The following KLHL28 variants were observed in gnomAD, a reference collection of about 807,000 sequenced individuals.
KLHL28 encodes kelch-like protein 28.
KLHL28 carries 22 observed loss-of-function variants against 48.3 expected under a neutral mutation model. The observed-to-expected ratio is 0.46, with a 90% confidence interval of 0.33 to 0.65. The LOEUF is 0.65. Among genes scored for constraint, KLHL28 ranks in the 30% least tolerant of loss-of-function variants. The probability of loss-of-function intolerance (pLI) is 0.03; values close to 1 mark genes in which losing one functional copy is unlikely to be tolerated. For synonymous variants in KLHL28, 243 were observed against 242.4 expected, an observed-to-expected ratio of 1.00 and a Z score of -0.02; for missense variants, 527 against 704.3, an observed-to-expected ratio of 0.75 and a Z score of 2.85.
chr14:44,957,094 G>A (rs997116875), intron 1 of KLHL28, among the ~76,000 whole-genome samples: 5 of 152,150 alleles, frequency 3.3e-5, no homozygotes, highest in African/African-American at 9.7e-5. Flanking sequence ...AAAGAGCTGC[G>A]ATTACAGGTG....
chr14:44,959,495 C>T (rs951307175), intron 1 of KLHL28: 3 of 152,074 alleles, frequency 2.0e-5, no homozygotes, highest in Non-Finnish European at 2.9e-5. Flanking sequence ...TTCACACTGA[C>T]GTTCAATATT....
At chr14:44,939,742 A>C (rs1883989562) in intron 2 of KLHL28, among the ~76,000 whole-genome samples, 1 of 148,900 alleles carries the variant, frequency 6.7e-6, no homozygotes, top group Admixed American at 6.6e-5. Flanking sequence ...GTTATCTCTA[A>C]AAAGTTCCAG....
intron 2 of KLHL28, among the ~76,000 whole-genome samples, chr14:44,936,636 G>A (rs1056184603): frequency 7.9e-5 from 12 of 152,292 alleles, no homozygotes; most frequent in African/African-American, 2.4e-4. Flanking sequence ...GAGTGCTGAA[G>A]GCTCCATGTG....
chr14:44,945,612 T>G lies in KLHL28; in HGVS notation c.317A>C (p.Glu106Ala). 1 of 1,614,198 alleles carries G rather than the reference T, an allele frequency of 6.2e-7. No individual in the cohort carries two copies. The highest frequency in any genetic ancestry group is 1.1e-5 in the South Asian group (1 of 91,086). ...TAGGTTTGCTGCTGGCAGGAGAGAT[T>G]CAACTGTGTCCTGAGAAATAAAAAC... is the stretch of plus-strand genomic sequence containing the variant. Reference protein sequence around the residue: ...GTVFISQDTVESLLPAANLLQ... With the variant: ...GTVFISQDTVASLLPAANLLQ... The change falls in exon 2 of 5, where the codon GAA (glutamate) becomes GCA (alanine). Residue 106 changes from glutamate (E) to alanine (A), a missense_variant. Transcript: ENST00000396128.
intron 2 of KLHL28, among the ~76,000 whole-genome samples, chr14:44,944,516 T>C (rs189825723): frequency 1.8e-4 from 28 of 152,352 alleles, no homozygotes; most frequent in South Asian, 8.3e-4. Context: ...AAAAATACAC[T>C]GAAGAAAACA....
chr14:44,941,870 TG>T (rs1379739833), intron 2 of KLHL28, among the ~76,000 whole-genome samples: 1 of 152,192 alleles, frequency 6.6e-6, no homozygotes, highest in African/African-American at 2.4e-5. Flanking sequence ...TAAATATTAA[TG>T]TTTCCCAGAT....
At chr14:44,952,903 T>TAAAA (rs74789218) in intron 1 of KLHL28, among the ~76,000 whole-genome samples, 11 of 126,300 alleles carry the variant, frequency 8.7e-5, no homozygotes, top group African/African-American at 2.9e-4. Flanking sequence ...GTAAGTACCA[T>TAAAA]AAAAAAAAAA....
intron 4 of KLHL28, among the ~76,000 whole-genome samples, chr14:44,930,297 CT>C (rs914660409): frequency 6.7e-5 from 10 of 149,646 alleles, no homozygotes; most frequent in Non-Finnish European, 1.0e-4. Context: ...ACATTTGAAA[CT>C]TTTTTTTTTG....
At chr14:44,952,347 C>T (rs963808938) in intron 1 of KLHL28, among the ~76,000 whole-genome samples, 16 of 152,096 alleles carry the variant, frequency 1.1e-4, no homozygotes, top group African/African-American at 3.9e-4. Context: ...TCTTGAGCCC[C>T]ATCACAGTTG....
intron 1 of KLHL28, 57 bp from the exon 2 acceptor site, chr14:44,945,985 C>G (rs1884319254): frequency 7.3e-7 from 1 of 1,369,010 alleles, no homozygotes; most frequent in Admixed American, 1.9e-5. Flanking sequence ...GTCAAAAACA[C>G]TGCTTTTCAA....
chr14:44,938,674 A>G (rs1351604345), intron 2 of KLHL28, among the ~76,000 whole-genome samples: 1 of 152,024 alleles, frequency 6.6e-6, no homozygotes, highest in Non-Finnish European at 1.5e-5. Flanking sequence ...CCGGCCGAAA[A>G]CATTAAGTCT....
intron 1 of KLHL28, among the ~76,000 whole-genome samples, chr14:44,947,448 C>A (rs1229942009): frequency 3.3e-5 from 5 of 152,142 alleles, no homozygotes; most frequent in Non-Finnish European, 5.9e-5. Context: ...TTACAGTAAC[C>A]TTAAGAATTA....
chr14:44,934,163 T>A lies in KLHL28; in HGVS notation c.1295A>T (p.Asp432Val). Reference protein sequence around the residue: ...TRSCFAAAVLDGMIYAIGGYG... With the variant: ...TRSCFAAAVLVGMIYAIGGYG... The stretch of plus-strand genomic sequence containing the variant: ...CCCACCAATGGCATATATCATTCCA[T>A]CCAATACCGCTGCAGCAAAACAACT... Residue 432 changes from aspartate (D) to valine (V), a missense_variant, in exon 3 of 5, where the codon GAT becomes GTT. Physicochemically the swap from Asp to Val is radical, Grantham distance 152. Transcript: ENST00000396128. 2.5e-6 allele frequency: 4 copies of A among 1,614,138 alleles called. No homozygotes were observed. The highest frequency in any genetic ancestry group is 3.4e-6 in the Non-Finnish European group (4 of 1,179,998).
In KLHL28 at chr14:44,926,936, CTAAA is replaced by C. The variant is rs1883394505; in HGVS notation, c.*2088_*2091del. 1.3e-5 allele frequency: 2 copies of C among 152,586 alleles called. No homozygotes were observed. The highest frequency in any genetic ancestry group is 4.8e-5 in the African/African-American group (2 of 41,436). The allele number at this position is 152,586 out of a possible 1,614,324, so 9.5% of individuals were successfully genotyped here. A position where few individuals can be genotyped will look rare whatever the true frequency, so the allele number is the denominator to read the frequency against. On this transcript the variant is annotated 3_prime_UTR_variant, in exon 5 of 5. Transcript: ENST00000396128. ...AGAAAACTGAATTGGGGATTTAAAA[CTAAA>C]TATGTGATGAATCTATTTTAAACTG... is the stretch of plus-strand genomic sequence containing the variant.
At chr14:44,939,275 AAC>A (rs1883972024) in intron 2 of KLHL28, among the ~76,000 whole-genome samples, 3 of 152,154 alleles carry the variant, frequency 2.0e-5, no homozygotes, top group African/African-American at 4.8e-5. Context: ...CTGAGACTAC[AAC>A]GGGAGGTACA....
intron 1 of KLHL28, among the ~76,000 whole-genome samples, chr14:44,952,766 C>A (rs896104973): frequency 1.3e-5 from 2 of 151,438 alleles, no homozygotes; most frequent in Non-Finnish European, 1.5e-5. Context: ...AGCTATCTAC[C>A]CATAAATGGC....
intron 3 of KLHL28, among the ~76,000 whole-genome samples, chr14:44,933,391 G>A (rs1883669420): frequency 6.6e-6 from 1 of 150,660 alleles, no homozygotes; most frequent in Non-Finnish European, 1.5e-5. Context: ...GCTCACTGCA[G>A]CCTCAACCTC....
Position 44,925,352 on chromosome 14 carries a change from T to C in KLHL28, c.*3676A>G, listed in dbSNP as rs1156667094. 6.6e-6 allele frequency: 1 copy of C among 152,150 alleles called. No homozygotes were observed. The highest frequency in any genetic ancestry group is 1.5e-5 in the Non-Finnish European group (1 of 67,960). The allele number at this position is 152,150 out of a possible 1,614,324, so 9.4% of individuals were successfully genotyped here. A position where few individuals can be genotyped will look rare whatever the true frequency, so the allele number is the denominator to read the frequency against. The stretch of plus-strand genomic sequence containing the variant: ...TTGATACTACAGGAAATATATATAT[T>C]TAAAATTTCTATAGTTTTCTTACTA... On this transcript the variant is annotated 3_prime_UTR_variant, in exon 5 of 5. Transcript: ENST00000396128.
intron 2 of KLHL28, among the ~76,000 whole-genome samples, chr14:44,942,912 A>G (rs1487623728): frequency 6.6e-6 from 1 of 152,170 alleles, no homozygotes; most frequent in Non-Finnish European, 1.5e-5. Flanking sequence ...TTGAAGGTCA[A>G]TTATCTAGCA....
Sources: gnomAD v4.1 joint callset for allele counts (sites outside exome capture counted in the v4.1 genomes callset) on GRCh38, gnomAD v4.1.1 for gene constraint, MANE v1.5 for transcripts, NCBI Gene and HGNC (gene_info 2026-07-23, HGNC 2026-07-21) for gene names.